Variants in RASSF8 observed in about 807,000 individuals in gnomAD.
The protein encoded by RASSF8 is Ras association domain family member 8, also known as ras association domain-containing protein 8.
In RASSF8, 22 loss-of-function variants were observed where a neutral mutation model predicts 48.5. That is an observed-to-expected ratio of 0.45 (90% CI 0.32 to 0.65). The LOEUF is 0.65. RASSF8 is among the 30% of genes least tolerant of loss of function. The probability of loss-of-function intolerance (pLI) is 0.03; values close to 1 mark genes in which losing one functional copy is unlikely to be tolerated. For synonymous variants in RASSF8, 127 were observed against 171.5 expected, an observed-to-expected ratio of 0.74 and a Z score of 2.03; for missense variants, 418 against 489.2, an observed-to-expected ratio of 0.85 and a Z score of 1.37.
intron 2 of RASSF8, among the ~76,000 whole-genome samples, chr12:26,036,811 G>A (rs369014270): frequency 5.9e-5 from 9 of 152,124 alleles, no homozygotes; most frequent in African/African-American, 2.2e-4. Context: ...AGCTATTAGG[G>A]AAGCTGAGGC....
chr12:26,003,536 T>A (rs1191468201), intron 2 of RASSF8, among the ~76,000 whole-genome samples: 1 of 152,182 alleles, frequency 6.6e-6, no homozygotes, highest in African/African-American at 2.4e-5. Context: ...AGATTTTTTT[T>A]AACTCTTTAA....
chr12:26,077,639 A>G (rs1944083831), downstream of RASSF8, among the ~76,000 whole-genome samples: 6 of 152,190 alleles, frequency 3.9e-5, no homozygotes, highest in Admixed American at 3.9e-4. Flanking sequence ...ATTTGGTACC[A>G]GTACCATGCT....
At chr12:25,987,738 C>T (rs1172739146) in intron 1 of RASSF8, among the ~76,000 whole-genome samples, 1 of 152,160 alleles carries the variant, frequency 6.6e-6, no homozygotes, top group Non-Finnish European at 1.5e-5. Context: ...GAATATTATT[C>T]ACTTTCTATA....
At position 25,986,252 on chromosome 12, in the gene RASSF8, C is replaced by G. The variant is rs12304325; in HGVS notation, c.-202-8785C>G. 3.9e-5 allele frequency among the ~76,000 whole-genome samples: 6 copies of G among 152,292 alleles called. No homozygotes were observed. The South Asian group carries it at 1.0e-3, about 26-fold the overall frequency. On this transcript the variant is annotated intron_variant, in intron 1 of 5. Transcript: ENST00000689635. The stretch of plus-strand genomic sequence containing the variant: ...CTTCTTCCTCCAGGCTCCTGCACTT[C>G]ACAGGGCTATAGAAACCTGCCAGTG...
intron 2 of RASSF8, among the ~76,000 whole-genome samples, chr12:26,018,080 T>A (rs916211054): frequency 6.6e-6 from 1 of 151,992 alleles, no homozygotes; most frequent in African/African-American, 2.4e-5. Context: ...TTTGTTAACA[T>A]TTATTAATAT....
In RASSF8 at chr12:26,070,584, AGTT is replaced by A. The variant is rs1943977781; in HGVS notation, c.*1767_*1769del. On this transcript the variant is annotated 3_prime_UTR_variant, in exon 6 of 6. Transcript: ENST00000689635. ...TACACATTTGCTCACAATTTATAGT[AGTT>A]ATTTTCTATCTACCTATATTTAAAA... 1 of 970,324 alleles carries A rather than the reference AGTT, an allele frequency of 1.0e-6. No homozygotes were observed. The allele number at this position is 970,324 out of a possible 1,614,324, so 60.1% of individuals were successfully genotyped here. A position where few individuals can be genotyped will look rare whatever the true frequency, so the allele number is the denominator to read the frequency against.
chr12:26,002,391 TCACTGCACTCCAGCCTGGGTGAAAGAG>T (rs1942281157), intron 2 of RASSF8, among the ~76,000 whole-genome samples: 1 of 151,498 alleles, frequency 6.6e-6, no homozygotes. Flanking sequence ...CGAGATTGCG[TCACTGCACTCCAGCCTGGGTGAAAGAG>T]CAAAACTCCA....
intron 2 of RASSF8, among the ~76,000 whole-genome samples, chr12:26,041,306 A>G (rs1943260410): frequency 6.6e-6 from 1 of 152,192 alleles, no homozygotes; most frequent in South Asian, 2.1e-4. Context: ...GTTTTAATAT[A>G]TACAGCTTTT....
intron 2 of RASSF8, among the ~76,000 whole-genome samples, chr12:26,008,198 G>A (rs998894217): frequency 2.0e-5 from 3 of 152,122 alleles, no homozygotes; most frequent in African/African-American, 4.8e-5. Context: ...ATGTGAACCC[G>A]GGAGGCGGAG....
Position 25,958,963 on chromosome 12 carries a change from A to G in RASSF8, c.-388A>G, listed in dbSNP as rs1428507422. On this transcript the variant is annotated 5_prime_UTR_variant, in exon 1 of 6. Transcript: ENST00000689635. ...CGGGCCGGGAGGTGCGCGGAGAGGGAACGCCGGGGGGCCGGGGCCTCCAGC... is the reference window on the plus strand; with the variant it reads ...CGGGCCGGGAGGTGCGCGGAGAGGGGACGCCGGGGGGCCGGGGCCTCCAGC... 17 of 146,906 alleles carry G rather than the reference A, an allele frequency of 1.2e-4. No homozygotes were observed. Among genetic ancestry groups the G allele is most frequent in the Non-Finnish European group, 1.7e-4 (11 of 66,158 alleles). The allele number at this position is 146,906 out of a possible 1,614,324, so 9.1% of individuals were successfully genotyped here.
At chr12:25,983,173 T>C (rs1423256924) in intron 1 of RASSF8, among the ~76,000 whole-genome samples, 2 of 151,972 alleles carry the variant, frequency 1.3e-5, no homozygotes, top group African/African-American at 2.4e-5. Flanking sequence ...TCAGAAAGAA[T>C]GTAAAATAAC....
chr12:26,040,489 G>C (rs1344490285), intron 2 of RASSF8, among the ~76,000 whole-genome samples: 1 of 152,170 alleles, frequency 6.6e-6, no homozygotes, highest in African/African-American at 2.4e-5. Flanking sequence ...GGCAGGAAAG[G>C]GTAGGAAATG....
chr12:26,066,183 G>A (rs1048727353), intron 4 of RASSF8, among the ~76,000 whole-genome samples: 3 of 152,044 alleles, frequency 2.0e-5, no homozygotes, highest in Non-Finnish European at 2.9e-5. Flanking sequence ...GCTGCTGTAC[G>A]GGCCGTGCAG....
At chr12:25,984,251 A>C (rs924394981) in intron 1 of RASSF8, among the ~76,000 whole-genome samples, 1 of 48,694 alleles carries the variant, frequency 2.1e-5, no homozygotes, top group Non-Finnish European at 4.1e-5. Context: ...TTTTTTTTTT[A>C]GTTCTTTTGT....
At chr12:25,964,510 T>C (rs1297177856) in intron 1 of RASSF8, among the ~76,000 whole-genome samples, 1 of 152,230 alleles carries the variant, frequency 6.6e-6, no homozygotes, top group East Asian at 1.9e-4. Context: ...ATTTTGTCAC[T>C]GTTGTTATAT....
rs949454678 is a variant in RASSF8, at chr12:26,071,097, A to G, written c.*2279A>G. The G allele has an allele frequency of 2.3e-5, 22 of 975,376 alleles. No homozygotes were observed. The highest frequency in any genetic ancestry group is 2.6e-5 in the Non-Finnish European group (21 of 820,956). The allele number at this position is 975,376 out of a possible 1,614,324, so 60.4% of individuals were successfully genotyped here. A position where few individuals can be genotyped will look rare whatever the true frequency, so the allele number is the denominator to read the frequency against. The stretch of plus-strand genomic sequence containing the variant: ...GCGACGAAAGTATAGAAATGTGAAT[A>G]TGTTGAATACATTGAGAAGCTGTAC... On this transcript the variant is annotated 3_prime_UTR_variant, in exon 6 of 6. Coordinates refer to ENST00000689635, the MANE Select transcript of RASSF8 (RefSeq NM_001394098.1).
chr12:25,970,220 T>A (rs976847484), intron 1 of RASSF8, among the ~76,000 whole-genome samples: 1 of 152,122 alleles, frequency 6.6e-6, no homozygotes, highest in Admixed American at 6.5e-5. Context: ...TTCATTGTTT[T>A]TACTCCAACC....
At position 26,069,974 on chromosome 12, in the gene RASSF8, A is replaced by C. The variant is rs1450342033; in HGVS notation, c.*1156A>C. 2 of 974,240 alleles carry C rather than the reference A, an allele frequency of 2.1e-6. No homozygotes were observed. Among genetic ancestry groups the C allele is most frequent in the Non-Finnish European group, 2.4e-6 (2 of 819,776 alleles). 60.3% of individuals were successfully genotyped at this position (974,240 alleles called of 1,614,324 possible). A position where few individuals can be genotyped will look rare whatever the true frequency, so the allele number is the denominator to read the frequency against. ...ACAAGACATTAATCTCCATTTGTAC[A>C]TATGTTATTTTATTTGTAAAACCAA... is the stretch of plus-strand genomic sequence containing the variant. On this transcript the variant is annotated 3_prime_UTR_variant, in exon 6 of 6. Coordinates refer to ENST00000689635, the MANE Select transcript of RASSF8 (RefSeq NM_001394098.1).
intron 4 of RASSF8, 25 bp downstream of exon 4, chr12:26,065,412 T>C: frequency 6.4e-7 from 1 of 1,557,384 alleles, no homozygotes; most frequent in Admixed American, 2.0e-5. Flanking sequence ...ATAAATAGAA[T>C]GTTTGGCCCA....
Sources: gnomAD v4.1 joint callset for allele counts (sites outside exome capture counted in the v4.1 genomes callset) on GRCh38, gnomAD v4.1.1 for gene constraint, MANE v1.5 for transcripts, NCBI Gene and HGNC (gene_info 2026-07-23, HGNC 2026-07-21) for gene names.